The following NSD3 variants were observed in gnomAD, a reference collection of about 807,000 sequenced individuals.
NSD3 encodes histone-lysine N-methyltransferase NSD3.
A neutral mutation model predicts 160.8 loss-of-function variants in NSD3; 24 were observed. The observed-to-expected ratio is 0.15, with a 90% CI of 0.11 to 0.21. The LOEUF (loss-of-function observed/expected upper bound fraction) is 0.21, where lower values mean the gene tolerates loss of function less well. Among genes scored for constraint, NSD3 ranks in the 10% least tolerant of loss-of-function variants. The pLI is 1.00. For missense variants in NSD3, 1,157 were observed against 1,735.9 expected (o/e 0.67, Z 5.93); for synonymous variants, 520 against 600.0 (o/e 0.87, Z 1.95).
chr8:38,291,713 C>G (rs2130994941), intron 16 of NSD3, among the ~76,000 whole-genome samples: 2 of 152,288 alleles, frequency 1.3e-5, no homozygotes, highest in Middle Eastern at 6.8e-3. Flanking sequence ...TTCTAAACAA[C>G]TTTAAGGTAA....
intron 12 of NSD3, among the ~76,000 whole-genome samples, chr8:38,311,140 C>T (rs1213372337): frequency 6.7e-6 from 1 of 149,704 alleles, no homozygotes; most frequent in African/African-American, 2.5e-5. Context: ...TCTCAAACTC[C>T]TGAGCTCAAA....
Position 38,317,951 on chromosome 8 carries a change from G to A in NSD3, c.1855+944C>T. 6.2e-7 allele frequency: 1 copy of A among 1,614,106 alleles called. No individual in the cohort carries two copies. The highest frequency in any genetic ancestry group is 8.5e-7 in the Non-Finnish European group (1 of 1,180,014). ...GAGTTTCTGGGATGAAATTGTACAGGAATCTCAGTCCACAGTTTCCTCAAT... is the reference window on the plus strand; with the variant it reads ...GAGTTTCTGGGATGAAATTGTACAGAAATCTCAGTCCACAGTTTCCTCAAT... On this transcript the variant is annotated intron_variant, in intron 9 of 23. Coordinates refer to ENST00000317025, the MANE Select transcript of NSD3 (RefSeq NM_023034.2). The surrounding 1 kb of genome is among the most constrained non-coding windows in gnomAD (Gnocchi z 5.3).
chr8:38,317,219 C>T lies in NSD3; in HGVS notation c.1856-1177G>A, dbSNP rs147809967. The T allele has an allele frequency of 4.2e-4, 447 of 1,062,026 alleles. 8 individuals are homozygous for T. The East Asian group carries it at 0.021, about 50-fold the overall frequency. The allele number at this position is 1,062,026 out of a possible 1,614,324, so 65.8% of individuals were successfully genotyped here. A position where few individuals can be genotyped will look rare whatever the true frequency, so the allele number is the denominator to read the frequency against. Reference sequence around the variant, plus strand: ...TAGACTGCTCAGATTACTGGAACCTCGTTATCACATCCCATTCTACAAGTT... The same window carrying T: ...TAGACTGCTCAGATTACTGGAACCTTGTTATCACATCCCATTCTACAAGTT... On this transcript the variant is annotated intron_variant, in intron 9 of 23. Coordinates refer to ENST00000317025, the MANE Select transcript of NSD3 (RefSeq NM_023034.2). This position sits in a 1 kb window ranked among gnomAD's most constrained non-coding sequence, Gnocchi z 5.3.
At chr8:38,299,060 AAGTT>A (rs1374419508) in intron 15 of NSD3, among the ~76,000 whole-genome samples, 1 of 152,250 alleles carries the variant, frequency 6.6e-6, no homozygotes, top group Admixed American at 6.5e-5. Flanking sequence ...ATTTAGTTGA[AAGTT>A]AGTAACAAAT....
chr8:38,301,959 A>T (rs189964996), intron 14 of NSD3, among the ~76,000 whole-genome samples: 1 of 152,230 alleles, frequency 6.6e-6, no homozygotes, highest in South Asian at 2.1e-4. Flanking sequence ...ATTTTACACA[A>T]CCCTCTAAGA....
chr8:38,283,850 C>A (rs1808791479), intron 19 of NSD3, among the ~76,000 whole-genome samples: 4 of 152,022 alleles, frequency 2.6e-5, no homozygotes, highest in Admixed American at 2.6e-4. Flanking sequence ...ATGCTGTAAT[C>A]CTAGCACTTT....
chr8:38,305,347 T>G lies in NSD3; in HGVS notation c.2341A>C (p.Lys781Gln). The change falls in exon 13 of 24, where the codon AAA becomes CAA. Residue 781 changes from lysine (K) to glutamine (Q), a missense_variant. Coordinates refer to ENST00000317025, the MANE Select transcript of NSD3 (RefSeq NM_023034.2). ...GATTCAAAGATGGCAGTGGGGAATT[T>G]GCGGACACAGGCTTCATGATAAAAT... ...GKFYHEACVR[K>Q]FPTAIFESKG... 1.2e-6 allele frequency: 2 copies of G among 1,614,208 alleles called. No individual in the cohort carries two copies. Among genetic ancestry groups the G allele is most frequent in the East Asian group, 4.5e-5 (2 of 44,888 alleles).
chr8:38,315,548 C>G lies in NSD3; in HGVS notation c.1987-4G>C. Reference sequence around the variant, plus strand: ...CTACTTGCTTTCCAAAGCCTACCTACATAGAAAACATAGCATTTTTAAGAA... The same window carrying G: ...CTACTTGCTTTCCAAAGCCTACCTAGATAGAAAACATAGCATTTTTAAGAA... On this transcript the variant is annotated splice_polypyrimidine_tract_variant and splice_region_variant and intron_variant, in intron 10 of 23. Transcript: ENST00000317025. 1 of 1,612,322 alleles carries G rather than the reference C, an allele frequency of 6.2e-7. No homozygotes were observed.
At chr8:38,295,164 GT>G (rs1233028305) in intron 16 of NSD3, among the ~76,000 whole-genome samples, 4 of 128,926 alleles carry the variant, frequency 3.1e-5, no homozygotes, top group East Asian at 2.3e-4. Context: ...AAAAAAAAAA[GT>G]TTTTTTTGGA....
chr8:38,292,175 CTG>C (rs1275383753), intron 16 of NSD3, among the ~76,000 whole-genome samples: 3 of 152,280 alleles, frequency 2.0e-5, no homozygotes, highest in African/African-American at 7.2e-5. Flanking sequence ...AATTTTCAAA[CTG>C]TGCACCCTTC....
intron 1 of NSD3, among the ~76,000 whole-genome samples, chr8:38,364,543 G>T (rs1315982068): frequency 6.6e-6 from 1 of 152,126 alleles, no homozygotes; most frequent in Non-Finnish European, 1.5e-5. Context: ...CATTCTAGGG[G>T]TAGACCTGAT....
chr8:38,330,006 A>G, intron 5 of NSD3, 113 bp from the exon 6 acceptor site: 1 of 1,298,776 alleles, frequency 7.7e-7, no homozygotes. Flanking sequence ...AAATATCTTC[A>G]GGTTCTTTGG....
chr8:38,381,257 T>A (rs1306293732), intron 1 of NSD3, among the ~76,000 whole-genome samples: 4 of 152,074 alleles, frequency 2.6e-5, no homozygotes, highest in Non-Finnish European at 5.9e-5. Flanking sequence ...TATTGCAGCC[T>A]GCCTCATCCC....
At chr8:38,292,266 G>C in intron 16 of NSD3, among the ~76,000 whole-genome samples, 1 of 152,210 alleles carries the variant, frequency 6.6e-6, no homozygotes, top group Non-Finnish European at 1.5e-5. Context: ...ATGCAGAAAT[G>C]TATAGTAGAA....
chr8:38,379,724 G>C (rs1447107078), intron 1 of NSD3, among the ~76,000 whole-genome samples: 1 of 152,134 alleles, frequency 6.6e-6, no homozygotes, highest in Non-Finnish European at 1.5e-5. Flanking sequence ...TAGTTCAACT[G>C]GTTTGAGTCC....
At chr8:38,277,161 T>G (rs1311271163) in intron 22 of NSD3, among the ~76,000 whole-genome samples, 5 of 152,112 alleles carry the variant, frequency 3.3e-5, no homozygotes, top group African/African-American at 1.2e-4. Flanking sequence ...AGGCTGGTCT[T>G]GAACTCCTGA....
intron 1 of NSD3, among the ~76,000 whole-genome samples, chr8:38,352,001 C>T (rs532833598): frequency 6.6e-6 from 1 of 150,794 alleles, no homozygotes; most frequent in Non-Finnish European, 1.5e-5. Flanking sequence ...TGCACATGTA[C>T]CCTAAAACTT....
intron 1 of NSD3, among the ~76,000 whole-genome samples, chr8:38,358,271 T>C (rs779941122): frequency 6.6e-5 from 10 of 152,138 alleles, no homozygotes; most frequent in Non-Finnish European, 1.5e-4. Context: ...TACATGAGAA[T>C]TTTTACAGCT....
chr8:38,360,631 A>G (rs1381425454), intron 1 of NSD3, among the ~76,000 whole-genome samples: 2 of 152,228 alleles, frequency 1.3e-5, no homozygotes, highest in Admixed American at 1.3e-4. Flanking sequence ...ATGTAAAACA[A>G]ATGTTCTATA....
Sources: allele counts gnomAD v4.1 joint callset (sites outside exome capture counted in the v4.1 genomes callset), GRCh38; gene constraint gnomAD v4.1.1; non-coding constraint Gnocchi (gnomAD v3.1); transcripts MANE v1.5; gene names NCBI Gene and HGNC (gene_info 2026-07-23, HGNC 2026-07-21).